SEMA6A: variants seen among roughly 807,000 people sequenced by gnomAD.
SEMA6A encodes the protein semaphorin 6A.
In SEMA6A, 25 loss-of-function variants were observed where a neutral mutation model predicts 96.8. The ratio of observed to expected loss-of-function variants is 0.26; its 90% confidence interval spans 0.19 to 0.36. The LOEUF (loss-of-function observed/expected upper bound fraction) is 0.36. SEMA6A is among the 10% of genes least tolerant of loss of function. The probability of loss-of-function intolerance (pLI) is 1.00; values close to 1 mark genes in which losing one functional copy is unlikely to be tolerated. For missense variants in SEMA6A, 1,363 were observed against 1,323.1 expected (o/e 1.03, Z -0.47); for synonymous variants, 612 against 518.0 (o/e 1.18, Z -2.46).
At chr5:116,565,142 A>T (rs1049118540) in intron 1 of SEMA6A, among the ~76,000 whole-genome samples, 4 of 151,900 alleles carry the variant, frequency 2.6e-5, no homozygotes, top group Non-Finnish European at 5.9e-5. Flanking sequence ...TTATTTATTT[A>T]TTTTTTTTGC....
intron 18 of SEMA6A, among the ~76,000 whole-genome samples, chr5:116,465,593 T>C (rs2112641152): frequency 6.6e-6 from 1 of 152,304 alleles, no homozygotes; most frequent in South Asian, 2.1e-4. Flanking sequence ...TGTAGACTGC[T>C]TCCAGCTTTG....
At chr5:116,463,113 C>CT (rs756901767) in intron 18 of SEMA6A, among the ~76,000 whole-genome samples, 20 of 152,176 alleles carry the variant, frequency 1.3e-4, no homozygotes, top group Admixed American at 2.6e-4. Context: ...AGTGTAAACC[C>CT]TATTCTCTCT....
chr5:116,446,297 A>C lies in SEMA6A; in HGVS notation c.*316T>G. ...GTGTGTGTGTGTGTGGGGGTGGGGGATGGGGTAGGTATGTGCTTTTGGCTC... is the reference window on the plus strand; with the variant it reads ...GTGTGTGTGTGTGTGGGGGTGGGGGCTGGGGTAGGTATGTGCTTTTGGCTC... On this transcript the variant is annotated 3_prime_UTR_variant, in exon 19 of 19. Coordinates refer to ENST00000343348, the MANE Select transcript of SEMA6A (RefSeq NM_020796.5). 4.5e-6 allele frequency: 1 copy of C among 221,258 alleles called. No individual in the cohort carries two copies. The highest frequency in any genetic ancestry group is 8.6e-6 in the Non-Finnish European group (1 of 115,852). The allele number at this position is 221,258 out of a possible 1,614,324, so 13.7% of individuals were successfully genotyped here.
In SEMA6A at chr5:116,523,498, G is replaced by A. The variant is rs193101637; in HGVS notation, c.-38-18516C>T. ...AGCTAATTTTTGTATTTTTTGTAGA[G>A]ACGGGATTTCATCATGTTGCCGAGG... On this transcript the variant is annotated intron_variant, in intron 1 of 18. Coordinates refer to ENST00000343348, the MANE Select transcript of SEMA6A (RefSeq NM_020796.5). Among the ~76,000 whole-genome samples the A allele has an allele frequency of 1.6e-3, 240 of 152,170 alleles. 1 individual carries two copies. In the Middle Eastern group the frequency reaches 0.024, roughly 15 times the overall value.
intron 18 of SEMA6A, among the ~76,000 whole-genome samples, chr5:116,460,452 T>C (rs570819389): frequency 3.9e-5 from 6 of 152,206 alleles, no homozygotes; most frequent in African/African-American, 7.2e-5. Flanking sequence ...TTAGATCTTA[T>C]ATATTCACTG....
chr5:116,508,010 C>T (rs1758228530), intron 1 of SEMA6A: 1 of 152,062 alleles, frequency 6.6e-6, no homozygotes, highest in African/African-American at 2.4e-5. Flanking sequence ...ACTTTCTACA[C>T]CCAAATTTTT....
chr5:116,473,317 T>G (rs915694612), intron 16 of SEMA6A, among the ~76,000 whole-genome samples: 1 of 152,242 alleles, frequency 6.6e-6, no homozygotes, highest in Non-Finnish European at 1.5e-5. Context: ...AGTCACTGCC[T>G]TTGCCAAGAG....
At chr5:116,455,968 A>G (rs756770801) in intron 18 of SEMA6A, among the ~76,000 whole-genome samples, 2 of 152,198 alleles carry the variant, frequency 1.3e-5, no homozygotes, top group African/African-American at 2.4e-5. Context: ...CATTGTGCAG[A>G]AAACGTGTTA....
chr5:116,534,477 C>A (rs1484391646), intron 1 of SEMA6A, among the ~76,000 whole-genome samples: 1 of 152,168 alleles, frequency 6.6e-6, no homozygotes, highest in East Asian at 1.9e-4. Context: ...GGAGCACACT[C>A]CGCTCCCTCT....
intron 18 of SEMA6A, among the ~76,000 whole-genome samples, chr5:116,464,846 C>T (rs968965295): frequency 6.6e-6 from 1 of 152,158 alleles, no homozygotes; most frequent in Non-Finnish European, 1.5e-5. Flanking sequence ...TGGCAGTCAG[C>T]ATATCTGCAG....
At chr5:116,538,800 A>G (rs1241297622) in intron 1 of SEMA6A, among the ~76,000 whole-genome samples, 1 of 151,878 alleles carries the variant, frequency 6.6e-6, no homozygotes, top group Non-Finnish European at 1.5e-5. Context: ...CCTTGTCACC[A>G]TCACCATCAT....
intron 16 of SEMA6A, among the ~76,000 whole-genome samples, chr5:116,473,630 G>A (rs1473303744): frequency 6.6e-6 from 1 of 152,100 alleles, no homozygotes; most frequent in East Asian, 1.9e-4. Flanking sequence ...TGTGTGTTGG[G>A]GTCAGATCTC....
chr5:116,492,408 T>C (rs1340760540), intron 6 of SEMA6A: 1 of 152,032 alleles, frequency 6.6e-6, no homozygotes, highest in Non-Finnish European at 1.5e-5. Flanking sequence ...GCAAAAGCCA[T>C]GGTGACTTCC....
At chr5:116,556,372 G>A (rs1230562797) in intron 1 of SEMA6A, among the ~76,000 whole-genome samples, 1 of 152,154 alleles carries the variant, frequency 6.6e-6, no homozygotes, top group South Asian at 2.1e-4. Context: ...TACTTGTCAA[G>A]AACCCATATC....
intron 11 of SEMA6A, among the ~76,000 whole-genome samples, chr5:116,481,795 A>G (rs1756789357): frequency 6.6e-6 from 1 of 152,130 alleles, no homozygotes. Context: ...AAGAGACTAC[A>G]TAGGACTGAG....
chr5:116,571,746 CTT>C (rs1365823781), intron 1 of SEMA6A, among the ~76,000 whole-genome samples: 2 of 152,180 alleles, frequency 1.3e-5, no homozygotes, highest in Non-Finnish European at 2.9e-5. Flanking sequence ...TAATAATTAA[CTT>C]TGGTGCCTGG....
chr5:116,566,951 G>A (rs539903098), intron 1 of SEMA6A, among the ~76,000 whole-genome samples: 3 of 152,246 alleles, frequency 2.0e-5, no homozygotes, highest in South Asian at 2.1e-4. Flanking sequence ...ATCAGCAGCC[G>A]AGTTTCTCTC....
chr5:116,502,644 C>T (rs1223364079), intron 2 of SEMA6A: 1 of 248,584 alleles, frequency 4.0e-6, no homozygotes, highest in African/African-American at 2.3e-5. Context: ...GTGCTCTTTT[C>T]TTCCACAGTT....
At chr5:116,480,498 C>T (rs1018223834) in intron 11 of SEMA6A, among the ~76,000 whole-genome samples, 5 of 152,180 alleles carry the variant, frequency 3.3e-5, no homozygotes, top group Non-Finnish European at 7.4e-5. Context: ...ACAGTTCAGC[C>T]TCAGCTGGGG....
Sources: gnomAD v4.1 joint callset for allele counts (sites outside exome capture counted in the v4.1 genomes callset) on GRCh38, gnomAD v4.1.1 for gene constraint, MANE v1.5 for transcripts, NCBI Gene and HGNC (gene_info 2026-07-23, HGNC 2026-07-21) for gene names.